The following TJP1 variants were observed in gnomAD, a reference collection of about 807,000 sequenced individuals.
The protein encoded by TJP1 is tight junction protein 1.
TJP1 carries 43 observed loss-of-function variants against 194.2 expected under a neutral mutation model. The ratio of observed to expected loss-of-function variants is 0.22; its 90% CI spans 0.17 to 0.29. The LOEUF is 0.29. Ranked by LOEUF, TJP1 falls within the 10% of genes least tolerant of loss-of-function variation. The pLI is 1.00. For synonymous variants in TJP1, 801 were observed against 779.0 expected, an observed-to-expected ratio of 1.03 and a Z score of -0.47; for missense variants, 1,971 against 2,185.7, an observed-to-expected ratio of 0.90 and a Z score of 1.96.
chr15:29,772,190 A>G (rs962644863), intron 3 of TJP1, 24 bp from the exon 4 acceptor site: 103 of 1,415,056 alleles, frequency 7.3e-5, no homozygotes, highest in Non-Finnish European at 9.5e-5. Context: ...GGCACAAAAT[A>G]ATATGTTAGA....
At chr15:29,701,738 T>C (rs1264670036) in intron 27 of TJP1, 49 bp from the exon 28 acceptor site, 2 of 1,393,444 alleles carry the variant, frequency 1.4e-6, no homozygotes, top group Non-Finnish European at 2.0e-6. Flanking sequence ...TAAACTGCTA[T>C]CCGTAATGCT....
chr15:29,772,843 C>A (rs1319083589), intron 3 of TJP1, among the ~76,000 whole-genome samples: 2 of 152,162 alleles, frequency 1.3e-5, no homozygotes, highest in African/African-American at 2.4e-5. Context: ...TGGCTCATTG[C>A]AGCCTCAGAT....
intron 2 of TJP1, among the ~76,000 whole-genome samples, chr15:29,827,519 C>T (rs1212083560): frequency 2.0e-5 from 3 of 152,174 alleles, no homozygotes; most frequent in South Asian, 2.1e-4. Flanking sequence ...TGTTCAGTCT[C>T]TTCTAGCCGG....
chr15:29,914,491 G>A (rs1554528), intron 2 of TJP1, among the ~76,000 whole-genome samples: 14,556 of 152,042 alleles, frequency 0.096, 1,505 homozygotes, highest in African/African-American at 0.26. Flanking sequence ...CTATAATGGG[G>A]GTTGGAAAAT....
At chr15:29,958,598 A>G (rs1198661564) in intron 1 of TJP1, among the ~76,000 whole-genome samples, 1 of 152,164 alleles carries the variant, frequency 6.6e-6, no homozygotes, top group Admixed American at 6.6e-5. Context: ...CTCTAACTCT[A>G]GTTAGCTATA....
At chr15:29,776,589 C>T (rs1198226140) in intron 2 of TJP1, among the ~76,000 whole-genome samples, 1 of 152,162 alleles carries the variant, frequency 6.6e-6, no homozygotes, top group Non-Finnish European at 1.5e-5. Flanking sequence ...ACTGTCTGTA[C>T]TGTTGCATGA....
chr15:29,933,928 T>A (rs1209465903), intron 2 of TJP1, among the ~76,000 whole-genome samples: 1 of 152,140 alleles, frequency 6.6e-6, no homozygotes, highest in Non-Finnish European at 1.5e-5. Context: ...TCTGGCTAGG[T>A]AAACTTAGTA....
chr15:29,820,424 T>G, intron 1 of TJP1: 2 of 679,896 alleles, frequency 2.9e-6, no homozygotes, highest in South Asian at 1.6e-5. Context: ...CGCAAATGTT[T>G]ACAATGCAAA....
rs1332054348 is a variant in TJP1, at chr15:29,726,842, A to G, written c.2250T>C (p.Ser750=). ...RMRLCPESRK[S]ARKLYERSHK... ...GAGATCGCTCGTATAACTTCCTGGC[A>G]CTTTTCCGAGATTCTGGACATAACC... is the stretch of plus-strand genomic sequence containing the variant. Residue 750 remains serine (S), a synonymous_variant, in exon 17 of 28, where the codon AGT becomes AGC. Transcript: ENST00000614355. The G allele has an allele frequency of 6.2e-7, 1 of 1,614,150 alleles. No individual in the cohort carries two copies. The highest frequency in any genetic ancestry group is 8.5e-7 in the Non-Finnish European group (1 of 1,180,034).
chr15:29,966,642 A>G (rs935506599), intron 1 of TJP1, among the ~76,000 whole-genome samples: 10 of 140,712 alleles, frequency 7.1e-5, no homozygotes, highest in Non-Finnish European at 1.2e-4. Flanking sequence ...GCTTTCTGGT[A>G]CATTTGTACC....
rs542837696 is a variant in TJP1 at position 29,878,037 on chromosome 15, T to C, written c.307-77335A>G. Among the ~76,000 whole-genome samples the C allele has an allele frequency of 3.2e-3, 457 of 143,050 alleles. 2 individuals carry two copies. The highest frequency in any genetic ancestry group is 0.012 in the African/African-American group (443 of 35,968). 93.8% of individuals were successfully genotyped at this position (143,050 alleles called of 152,430 possible). On this transcript the variant is annotated intron_variant, in intron 2 of 28. Transcript: ENST00000356107. ...GAAATTTGCCTGTTTTTCCCAAAAG[T>C]ATAGTTTTTGTTTGTTTGTTTGTTT...
At chr15:29,870,737 C>G (rs1039140069) in intron 2 of TJP1, among the ~76,000 whole-genome samples, 1 of 152,182 alleles carries the variant, frequency 6.6e-6, no homozygotes, top group South Asian at 2.1e-4. Context: ...GGAAGACTAA[C>G]GATTCTGCCT....
intron 2 of TJP1, among the ~76,000 whole-genome samples, chr15:29,935,902 G>C (rs920132604): frequency 6.6e-6 from 1 of 152,112 alleles, no homozygotes; most frequent in African/African-American, 2.4e-5. Context: ...TTGCTGGAGA[G>C]AGTGACACCA....
At chr15:29,731,558 T>G (rs1226409921) in intron 15 of TJP1, among the ~76,000 whole-genome samples, 1 of 152,210 alleles carries the variant, frequency 6.6e-6, no homozygotes, top group African/African-American at 2.4e-5. Context: ...GGTTGGCTTG[T>G]GAAAAGTTGT....
At chr15:29,923,730 AT>A (rs1443278055) in intron 2 of TJP1, among the ~76,000 whole-genome samples, 18 of 152,322 alleles carry the variant, frequency 1.2e-4, no homozygotes, top group Non-Finnish European at 2.2e-4. Flanking sequence ...AACTCTATGC[AT>A]GTAGTAGTAT....
At chr15:29,939,939 C>A (rs975006598) in intron 2 of TJP1, among the ~76,000 whole-genome samples, 2 of 152,148 alleles carry the variant, frequency 1.3e-5, no homozygotes, top group Non-Finnish European at 2.9e-5. Flanking sequence ...CCCAACCCCC[C>A]AGTTTATGAT....
chr15:29,700,026 A>C (rs962519296), downstream of TJP1: 2 of 339,454 alleles, frequency 5.9e-6, no homozygotes, highest in African/African-American at 4.2e-5. Context: ...GAAATTCTGC[A>C]TGCAACACCA....
At chr15:29,919,467 A>T (rs1194287253) in intron 2 of TJP1, among the ~76,000 whole-genome samples, 1 of 152,252 alleles carries the variant, frequency 6.6e-6, no homozygotes, top group Non-Finnish European at 1.5e-5. Context: ...TGAAAAAAAC[A>T]AAAGTTCCTG....
At chr15:29,948,731 A>T (rs1284943831) in intron 2 of TJP1, among the ~76,000 whole-genome samples, 1 of 152,070 alleles carries the variant, frequency 6.6e-6, no homozygotes, top group Non-Finnish European at 1.5e-5. Context: ...AGCCCTGAAG[A>T]ACATCCTACT....
Sources: gnomAD v4.1 joint callset for allele counts (sites outside exome capture counted in the v4.1 genomes callset) on GRCh38, gnomAD v4.1.1 for gene constraint, MANE v1.5 for transcripts, NCBI Gene and HGNC (gene_info 2026-07-23, HGNC 2026-07-21) for gene names.